The following GALNTL6 variants were observed in gnomAD, a reference collection of about 807,000 sequenced individuals.
The protein encoded by GALNTL6 is polypeptide N-acetylgalactosaminyltransferase like 6, also known as polypeptide N-acetylgalactosaminyltransferase-like 6.
GALNTL6 carries 46 observed loss-of-function variants against 73.7 expected under a neutral mutation model. The observed-to-expected ratio is 0.62, with a 90% confidence interval of 0.49 to 0.80. The LOEUF is 0.80. Among genes scored for constraint, GALNTL6 ranks in the 30% least tolerant of loss-of-function variants. GALNTL6 has a pLI of 0.00. For synonymous variants in GALNTL6, 259 were observed against 263.7 expected, an observed-to-expected ratio of 0.98 and a Z score of 0.17; for missense variants, 604 against 755.0, an observed-to-expected ratio of 0.80 and a Z score of 2.34.
intron 3 of GALNTL6, among the ~76,000 whole-genome samples, chr4:172,270,330 G>A (rs1738599715): frequency 6.6e-6 from 1 of 151,966 alleles, no homozygotes; most frequent in African/African-American, 2.4e-5. Flanking sequence ...TCTTTTCTTA[G>A]AAAATTTAAT....
chr4:173,033,031 C>T (rs1473929269), intron 12 of GALNTL6, among the ~76,000 whole-genome samples: 3 of 152,180 alleles, frequency 2.0e-5, no homozygotes, highest in African/African-American at 4.8e-5. Flanking sequence ...GACGGAGTCT[C>T]GCTCTGTCGC....
intron 2 of GALNTL6, among the ~76,000 whole-genome samples, chr4:171,958,315 C>T (rs566919548): frequency 6.6e-6 from 1 of 152,250 alleles, no homozygotes; most frequent in Non-Finnish European, 1.5e-5. Context: ...GCATAAACAG[C>T]TGAACAAATA....
intron 5 of GALNTL6, among the ~76,000 whole-genome samples, chr4:172,659,203 CAAT>C (rs1731242200): frequency 6.6e-6 from 1 of 151,370 alleles, no homozygotes; most frequent in South Asian, 2.1e-4. Flanking sequence ...TTCTTTTATT[CAAT>C]AATCATAAAA....
At chr4:172,028,967 G>A (rs1030624745) in intron 2 of GALNTL6, among the ~76,000 whole-genome samples, 3 of 151,924 alleles carry the variant, frequency 2.0e-5, no homozygotes, top group Admixed American at 6.6e-5. Flanking sequence ...AAAAGAAAAT[G>A]TCTAAGAAAT....
Position 172,375,991 on chromosome 4 carries a change from A to G in GALNTL6, c.553+27302A>G, listed in dbSNP as rs558239607. 2.0e-5 allele frequency among the ~76,000 whole-genome samples: 3 copies of G among 152,276 alleles called. No homozygotes were observed. In the South Asian group the frequency reaches 6.2e-4, roughly 32 times the overall value. ...TTTGTCCTCACTTACATGAATAGGA[A>G]GGATACAATTTCTGAGGCTACCCAT... is the stretch of plus-strand genomic sequence containing the variant. On this transcript the variant is annotated intron_variant, in intron 5 of 12. Transcript: ENST00000506823.
intron 2 of GALNTL6, among the ~76,000 whole-genome samples, chr4:171,917,906 CCTT>C (rs1461678813): frequency 1.1e-4 from 17 of 152,174 alleles, no homozygotes; most frequent in Admixed American, 1.0e-3. Context: ...AGAGTTGACA[CCTT>C]CTCAGAGAGT....
intron 2 of GALNTL6, among the ~76,000 whole-genome samples, chr4:171,829,612 C>T (rs564670773): frequency 6.6e-6 from 1 of 152,106 alleles, no homozygotes; most frequent in Non-Finnish European, 1.5e-5. Context: ...TTCTACTTTT[C>T]GTCAAGCGGT....
intron 10 of GALNTL6, among the ~76,000 whole-genome samples, chr4:172,968,492 G>A (rs1228857734): frequency 6.6e-6 from 1 of 152,138 alleles, no homozygotes; most frequent in East Asian, 1.9e-4. Flanking sequence ...GAAAGACAGA[G>A]ACTCATCCTC....
At chr4:172,119,269 A>G (rs1034768577) in intron 2 of GALNTL6, among the ~76,000 whole-genome samples, 1 of 152,164 alleles carries the variant, frequency 6.6e-6, no homozygotes, top group South Asian at 2.1e-4. Context: ...AAAAAGTTGT[A>G]TCTCACTCTA....
intron 2 of GALNTL6, among the ~76,000 whole-genome samples, chr4:171,826,920 C>A (rs1403044746): frequency 1.3e-5 from 2 of 152,014 alleles, no homozygotes; most frequent in African/African-American, 2.4e-5. Flanking sequence ...GTACATTTAC[C>A]AGTATCCTTT....
rs549700549 is a variant in GALNTL6 at position 172,226,639 on chromosome 4, T to C, written c.139-3017T>C. 5.1e-4 allele frequency among the ~76,000 whole-genome samples: 77 copies of C among 151,052 alleles called. 1 individual carries two copies. The South Asian group carries it at 0.015, about 29-fold the overall frequency. On this transcript the variant is annotated intron_variant, in intron 2 of 12. Coordinates refer to ENST00000506823, the MANE Select transcript of GALNTL6 (RefSeq NM_001034845.3). ...TGTGTGTTTTCCCACAGAGACATCC[T>C]TTCTGGAGCTTCTCTCCTTTCCCTT...
chr4:172,120,882 T>C (rs1157294738), intron 2 of GALNTL6, among the ~76,000 whole-genome samples: 1 of 151,962 alleles, frequency 6.6e-6, no homozygotes, highest in African/African-American at 2.4e-5. Context: ...GTCTCGGTGA[T>C]AGGCAGGCCT....
chr4:172,776,986 A>C (rs1315203943), intron 5 of GALNTL6, among the ~76,000 whole-genome samples: 2 of 152,248 alleles, frequency 1.3e-5, no homozygotes, highest in Non-Finnish European at 2.9e-5. Context: ...AAAGAGGAGC[A>C]AAGATGAATT....
chr4:172,271,058 C>G (rs1190800562), intron 3 of GALNTL6, among the ~76,000 whole-genome samples: 1 of 152,080 alleles, frequency 6.6e-6, no homozygotes, highest in Non-Finnish European at 1.5e-5. Context: ...TCTCATGTTT[C>G]AGGGAAGATT....
At chr4:171,981,036 C>T (rs1363922399) in intron 2 of GALNTL6, among the ~76,000 whole-genome samples, 1 of 152,184 alleles carries the variant, frequency 6.6e-6, no homozygotes, top group East Asian at 1.9e-4. Flanking sequence ...TGAGACAGAT[C>T]TCAATCAATT....
intron 7 of GALNTL6, among the ~76,000 whole-genome samples, chr4:172,871,365 A>G (rs1744920293): frequency 6.6e-6 from 1 of 152,170 alleles, no homozygotes; most frequent in African/African-American, 2.4e-5. Flanking sequence ...CAACAGAAAC[A>G]GGGTTACGTG....
At chr4:172,359,556 A>G (rs557569674) in intron 5 of GALNTL6, among the ~76,000 whole-genome samples, 1 of 152,310 alleles carries the variant, frequency 6.6e-6, no homozygotes, top group African/African-American at 2.4e-5. Context: ...AGAAGTAAGT[A>G]CTATGAATCA....
chr4:172,230,638 T>C (rs1737029872), intron 3 of GALNTL6, among the ~76,000 whole-genome samples: 1 of 151,896 alleles, frequency 6.6e-6, no homozygotes, highest in Admixed American at 6.6e-5. Flanking sequence ...AATTAGGTTG[T>C]TAGGCTGTTG....
chr4:172,901,386 C>G (rs771278798), intron 8 of GALNTL6, among the ~76,000 whole-genome samples: 19 of 152,042 alleles, frequency 1.2e-4, no homozygotes, highest in Non-Finnish European at 1.8e-4. Context: ...AGATAAAAAT[C>G]AAACATCTGC....
Sources: allele counts gnomAD v4.1 joint callset (sites outside exome capture counted in the v4.1 genomes callset), GRCh38; gene constraint gnomAD v4.1.1; transcripts MANE v1.5; gene names NCBI Gene and HGNC (gene_info 2026-07-23, HGNC 2026-07-21).